Variants in LRRC32 observed in about 807,000 individuals in gnomAD.
LRRC32 encodes the protein leucine rich repeat containing 32, also known as transforming growth factor beta activator LRRC32.
LRRC32 carries 5 observed loss-of-function variants against 15.0 expected under a neutral mutation model. That is an observed-to-expected ratio of 0.33 (90% CI 0.17 to 0.70). The LOEUF is 0.70. Ranked by LOEUF, LRRC32 falls within the 30% of genes least tolerant of loss-of-function variation. The probability of loss-of-function intolerance (pLI) is 0.66; values close to 1 mark genes in which losing one functional copy is unlikely to be tolerated. For synonymous variants in LRRC32, 391 were observed against 403.9 expected (o/e 0.97, Z 0.38); for missense variants, 803 against 854.2 (o/e 0.94, Z 0.75).
Position 76,659,451 on chromosome 11 carries a change from C to A in LRRC32, c.*153G>T. ...AGTGCAGCCCGGGAAGGGGGTCACC[C>A]ACTGATGCAGCAGGCGGCAGAGAAA... On this transcript the variant is annotated 3_prime_UTR_variant, in exon 3 of 3. Coordinates refer to ENST00000260061, the MANE Select transcript of LRRC32 (RefSeq NM_001128922.2). 1.2e-6 allele frequency: 1 copy of A among 834,996 alleles called. No homozygotes were observed. The highest frequency in any genetic ancestry group is 2.9e-5 in the Admixed American group (1 of 34,478). 51.7% of individuals were successfully genotyped at this position (834,996 alleles called of 1,614,324 possible). A position where few individuals can be genotyped will look rare whatever the true frequency, so the allele number is the denominator to read the frequency against.
chr11:76,659,902 C>T lies in LRRC32; in HGVS notation c.1691G>A (p.Arg564Gln), dbSNP rs371873348. 3.8e-5 allele frequency: 61 copies of T among 1,613,400 alleles called. No homozygotes were observed. The highest frequency in any genetic ancestry group is 2.2e-4 in the East Asian group (10 of 44,858). ...SAMGGLETSL[R>Q]RLYLQGNPLS... The stretch of plus-strand genomic sequence containing the variant: ...TGGATTCCCCTGCAGGTAGAGGCGC[C>T]GGAGGCTGGTCTCCAGGCCACCCAT... Residue 564 changes from arginine (R) to glutamine (Q), a missense_variant, in exon 3 of 3, where the codon CGG becomes CAG. Coordinates refer to ENST00000260061, the MANE Select transcript of LRRC32 (RefSeq NM_001128922.2).
At chr11:76,663,396 AG>A (rs1487613675) in intron 2 of LRRC32, 1 of 152,256 alleles carries the variant, frequency 6.6e-6, no homozygotes, top group East Asian at 1.9e-4. Flanking sequence ...ACAGTGAGCC[AG>A]TGGCTGAGCT....
chr11:76,669,384 TGTGAGAGA>T (rs1375826883), intron 1 of LRRC32, among the ~76,000 whole-genome samples: 5 of 135,140 alleles, frequency 3.7e-5, no homozygotes, highest in African/African-American at 1.1e-4. Flanking sequence ...TGTGTGTGTG[TGTGAGAGA>T]GAGAGAGAGA....
At position 76,660,659 on chromosome 11, in the gene LRRC32, G is replaced by C; in HGVS notation, c.934C>G (p.Arg312Gly). The C allele has an allele frequency of 6.2e-7, 1 of 1,614,090 alleles. No individual in the cohort carries two copies. The highest frequency in any genetic ancestry group is 8.5e-7 in the Non-Finnish European group (1 of 1,180,000). Residue 312 changes from arginine to glycine, a missense_variant, in exon 3 of 3, where the codon CGC (arginine) becomes GGC (glycine). Transcript: ENST00000260061. ...AGATTCAAGAGCTGGGAAAGGGGGCGGCCGCTGGCATTCCCGCTGGGGGCT... is the reference window on the plus strand; with the variant it reads ...AGATTCAAGAGCTGGGAAAGGGGGCCGCCGCTGGCATTCCCGCTGGGGGCT... ...LSAPSGNASG[R>G]PLSQLLNLDL...
rs756626133 is a variant in LRRC32 at position 76,660,913 on chromosome 11, C to T, written c.680G>A (p.Cys227Tyr). 3.1e-6 allele frequency: 5 copies of T among 1,614,180 alleles called. No homozygotes were observed. Among genetic ancestry groups the T allele is most frequent in the Non-Finnish European group, 4.2e-6 (5 of 1,180,042 alleles). ...LQQLRVLDLS[C>Y]NSIEAFQTAS... The stretch of plus-strand genomic sequence containing the variant: ...CGTCTGAAAGGCCTCGATGCTGTTG[C>T]AGCTCAGGTCTAGCACCCGCAGCTG... The change falls in exon 3 of 3, where the codon TGC becomes TAC. Residue 227 changes from cysteine to tyrosine, a missense_variant. Physicochemically the swap from Cys to Tyr is radical, Grantham distance 194 (BLOSUM62 -2). Transcript: ENST00000260061.
chr11:76,666,097 G>A (rs1026212299), intron 1 of LRRC32, 139 bp from the exon 2 acceptor site: 40 of 737,538 alleles, frequency 5.4e-5, no homozygotes, highest in Non-Finnish European at 8.9e-5. Flanking sequence ...GATGCTTTGA[G>A]CAGGGCAGAG....
chr11:76,660,746 G>A lies in LRRC32; in HGVS notation c.847C>T (p.Pro283Ser). Reference protein sequence around the residue: ...SNNLIRLPTGPPQDSKGIHAP... With the variant: ...SNNLIRLPTGSPQDSKGIHAP... ...TGGATGCCCTTGCTGTCCTGGGGTG[G>A]CCCTGTGGGGAGCCGGATGAGGTTG... Residue 283 changes from proline to serine, a missense_variant, in exon 3 of 3, where the codon CCA (proline) becomes TCA (serine). Coordinates refer to ENST00000260061, the MANE Select transcript of LRRC32 (RefSeq NM_001128922.2). The A allele has an allele frequency of 6.2e-7, 1 of 1,614,152 alleles. No homozygotes were observed.
At position 76,661,019 on chromosome 11, in the gene LRRC32, C is replaced by A. The variant is rs768343577; in HGVS notation, c.574G>T (p.Ala192Ser). The change falls in exon 3 of 3, where the codon GCC (alanine) becomes TCC (serine). Residue 192 changes from alanine to serine, a missense_variant. By Grantham distance (99) the Ala-to-Ser change is moderately conservative. Transcript: ENST00000260061. ...GTCAGGCGGGGCAGACCCTCGAAGG[C>A]GCCATCCTCGATGTCCATCAGCACG... is the stretch of plus-strand genomic sequence containing the variant. ...SNVLMDIEDGAFEGLPRLTHL... is the reference protein window; with the variant it reads ...SNVLMDIEDGSFEGLPRLTHL... 1.9e-6 allele frequency: 3 copies of A among 1,614,006 alleles called. No homozygotes were observed. Among genetic ancestry groups the A allele is most frequent in the Non-Finnish European group, 1.7e-6 (2 of 1,180,004 alleles).
chr11:76,667,009 C>A (rs1460693543), intron 1 of LRRC32, among the ~76,000 whole-genome samples: 1 of 152,242 alleles, frequency 6.6e-6, no homozygotes, highest in Non-Finnish European at 1.5e-5. Flanking sequence ...TCTCCTCTAC[C>A]TTTCTGCTGT....
chr11:76,659,527 T>C lies in LRRC32; in HGVS notation c.*77A>G. 1 of 1,460,452 alleles carries C rather than the reference T, an allele frequency of 6.8e-7. No individual in the cohort carries two copies. The allele number at this position is 1,460,452 out of a possible 1,614,324, so 90.5% of individuals were successfully genotyped here. On this transcript the variant is annotated 3_prime_UTR_variant, in exon 3 of 3. Transcript: ENST00000260061. ...CCAGAGTTCTGGGATCCCGGATCAC[T>C]GTGTGACCTTGAGTCAGTCCTCACT...
chr11:76,660,608 G>A lies in LRRC32; in HGVS notation c.985C>T (p.Leu329Phe), dbSNP rs1175421517. ...NLDLSYNEIELIPDSFLEHLT... is the reference protein window; with the variant it reads ...NLDLSYNEIEFIPDSFLEHLT... ...TGCTCAAGAAAGCTGTCGGGGATGAGCTCAATCTCATTGTAGCTCAAATCC... is the reference window on the plus strand; with the variant it reads ...TGCTCAAGAAAGCTGTCGGGGATGAACTCAATCTCATTGTAGCTCAAATCC... The change falls in exon 3 of 3, where the codon CTC (leucine) becomes TTC (phenylalanine). Residue 329 changes from leucine to phenylalanine, a missense_variant. Leu to Phe is a conservative substitution (Grantham distance 22). Coordinates refer to ENST00000260061, the MANE Select transcript of LRRC32 (RefSeq NM_001128922.2). 1.9e-6 allele frequency: 3 copies of A among 1,614,174 alleles called. No homozygotes were observed. Among genetic ancestry groups the A allele is most frequent in the Non-Finnish European group, 2.5e-6 (3 of 1,180,030 alleles).
rs1952500069 is a variant in LRRC32 at position 76,660,513 on chromosome 11, G to A, written c.1080C>T (p.Gly360=). 6 of 1,614,032 alleles carry A rather than the reference G, an allele frequency of 3.7e-6. No homozygotes were observed. The highest frequency in any genetic ancestry group is 5.1e-6 in the Non-Finnish European group (6 of 1,180,022). The change falls in exon 3 of 3, where the codon GGC becomes GGT. Residue 360 remains glycine, a synonymous_variant. Transcript: ENST00000260061. Reference sequence around the variant, plus strand: ...CAAGGAGCATCAGGCAGGGCAGGGAGCCTAAGCGCCGGGCCTCAAAGGTCC... The same window carrying A: ...CAAGGAGCATCAGGCAGGGCAGGGAACCTAAGCGCCGGGCCTCAAAGGTCC... The part of the protein sequence containing the change: ...CLRTFEARRL[G]SLPCLMLLDL...
At position 76,660,674 on chromosome 11, in the gene LRRC32, C is replaced by T. The variant is rs753547615; in HGVS notation, c.919G>A (p.Gly307Arg). The stretch of plus-strand genomic sequence containing the variant: ...GAAAGGGGGCGGCCGCTGGCATTCC[C>T]GCTGGGGGCTGAGAGGGGCAGGGCT... ...WSALPLSAPS[G>R]NASGRPLSQL... Residue 307 changes from glycine to arginine, a missense_variant, in exon 3 of 3, where the codon GGG becomes AGG. By Grantham distance (125) the Gly-to-Arg change is moderately radical (BLOSUM62 -2). Coordinates refer to ENST00000260061, the MANE Select transcript of LRRC32 (RefSeq NM_001128922.2). The T allele has an allele frequency of 1.1e-5, 18 of 1,613,958 alleles. No homozygotes were observed. Among genetic ancestry groups the T allele is most frequent in the South Asian group, 4.4e-5 (4 of 91,070 alleles).
At position 76,661,159 on chromosome 11, in the gene LRRC32, A is replaced by C; in HGVS notation, c.434T>G (p.Leu145Arg). The C allele has an allele frequency of 1.2e-6, 2 of 1,613,458 alleles. No homozygotes were observed. The highest frequency in any genetic ancestry group is 1.7e-6 in the Non-Finnish European group (2 of 1,179,856). Residue 145 changes from leucine (L) to arginine (R), a missense_variant, in exon 3 of 3, where the codon CTG becomes CGG. By Grantham distance (102) the Leu-to-Arg change is moderately radical. Coordinates refer to ENST00000260061, the MANE Select transcript of LRRC32 (RefSeq NM_001128922.2). ...SLYSGLLERL[L>R]GEAPSLHTLS... ...GGTATGCAGGCTGGGTGCCTCCCCCAGCAGCCGCTCCAGCAGGCCGCTGTA... is the reference window on the plus strand; with the variant it reads ...GGTATGCAGGCTGGGTGCCTCCCCCCGCAGCCGCTCCAGCAGGCCGCTGTA...
chr11:76,661,406 T>C lies in LRRC32; in HGVS notation c.187A>G (p.Ser63Gly). Residue 63 changes from serine to glycine, a missense_variant, in exon 3 of 3, where the codon AGT becomes GGT. Coordinates refer to ENST00000260061, the MANE Select transcript of LRRC32 (RefSeq NM_001128922.2). ...AAGCCCAGGGGTGAGGCCAGGATAC[T>C]CCGCAGCTGGTTCCCAGATAGATCA... ...TLDLSGNQLR[S>G]ILASPLGFYT... 2 of 1,614,008 alleles carry C rather than the reference T, an allele frequency of 1.2e-6. No homozygotes were observed. Among genetic ancestry groups the C allele is most frequent in the South Asian group, 1.1e-5 (1 of 91,072 alleles).
Position 76,661,268 on chromosome 11 carries a change from G to A in LRRC32, c.325C>T (p.Leu109=), listed in dbSNP as rs1254598399. The A allele has an allele frequency of 6.2e-7, 1 of 1,614,098 alleles. No homozygotes were observed. Among genetic ancestry groups the A allele is most frequent in the Non-Finnish European group, 8.5e-7 (1 of 1,179,976 alleles). Residue 109 remains leucine, a synonymous_variant, in exon 3 of 3, where the codon CTG becomes TTG. Coordinates refer to ENST00000260061, the MANE Select transcript of LRRC32 (RefSeq NM_001128922.2). The stretch of plus-strand genomic sequence containing the variant: ...GCACTCAGCGCAGTGGCCATCGCCA[G>A]CCGGTTGTGAGCCAGGCTGAGGTGC... The part of the protein sequence containing the change: ...LEHLSLAHNR[L]AMATALSAGG...
chr11:76,658,054 A>G lies in LRRC32; in HGVS notation c.*1550T>C, dbSNP rs1442648614. 2 of 152,328 alleles carry G rather than the reference A, an allele frequency of 1.3e-5. No homozygotes were observed. Among genetic ancestry groups the G allele is most frequent in the Non-Finnish European group, 2.9e-5 (2 of 68,046 alleles). The allele number at this position is 152,328 out of a possible 1,614,324, so 9.4% of individuals were successfully genotyped here. ...TTTTACCTGTTTTTGTAAGAGGGAAAAAAGATCCTTGCATGATGAGGCACA... is the reference window on the plus strand; with the variant it reads ...TTTTACCTGTTTTTGTAAGAGGGAAGAAAGATCCTTGCATGATGAGGCACA... On this transcript the variant is annotated 3_prime_UTR_variant, in exon 3 of 3. Coordinates refer to ENST00000260061, the MANE Select transcript of LRRC32 (RefSeq NM_001128922.2).
In LRRC32 at chr11:76,660,558, G is replaced by C. The variant is rs762844898; in HGVS notation, c.1035C>G (p.Asn345Lys). The C allele has an allele frequency of 6.2e-7, 1 of 1,614,222 alleles. No homozygotes were observed. ...AGGTCCGCAAGCAGTTTCTGCTGAGGTTCAGGAAGCACAGGGAGGTCAGGT... is the reference window on the plus strand; with the variant it reads ...AGGTCCGCAAGCAGTTTCTGCTGAGCTTCAGGAAGCACAGGGAGGTCAGGT... Reference protein sequence around the residue: ...LEHLTSLCFLNLSRNCLRTFE... With the variant: ...LEHLTSLCFLKLSRNCLRTFE... Residue 345 changes from asparagine to lysine, a missense_variant, in exon 3 of 3, where the codon AAC (asparagine) becomes AAG (lysine). Asn to Lys is a moderately conservative substitution (Grantham distance 94). Transcript: ENST00000260061.
Position 76,659,457 on chromosome 11 carries a change from T to C in LRRC32, c.*147A>G. ...GCCCGGGAAGGGGGTCACCCACTGA[T>C]GCAGCAGGCGGCAGAGAAAGGTGTC... is the stretch of plus-strand genomic sequence containing the variant. On this transcript the variant is annotated 3_prime_UTR_variant, in exon 3 of 3. Transcript: ENST00000260061. 6 of 877,262 alleles carry C rather than the reference T, an allele frequency of 6.8e-6. No homozygotes were observed. The highest frequency in any genetic ancestry group is 1.8e-5 in the South Asian group (1 of 54,508). The allele number at this position is 877,262 out of a possible 1,614,324, so 54.3% of individuals were successfully genotyped here.
Sources: allele counts gnomAD v4.1 joint callset (sites outside exome capture counted in the v4.1 genomes callset), GRCh38; gene constraint gnomAD v4.1.1; transcripts MANE v1.5; gene names NCBI Gene and HGNC (gene_info 2026-07-23, HGNC 2026-07-21).